HSDL1: variants seen among roughly 807,000 people sequenced by gnomAD.
HSDL1 encodes inactive hydroxysteroid dehydrogenase-like protein 1.
HSDL1 carries 29 observed loss-of-function variants against 31.5 expected under a neutral mutation model. The ratio of observed to expected loss-of-function variants is 0.92; its 90% CI spans 0.69 to 1.26. The LOEUF (loss-of-function observed/expected upper bound fraction) is 1.26, where lower values mean the gene tolerates loss of function less well. HSDL1 is among the 50% of genes most tolerant of loss of function. The pLI, the probability that HSDL1 is intolerant of heterozygous loss-of-function variation, is 0.00. For synonymous variants in HSDL1, 222 were observed against 155.2 expected (o/e 1.43, Z -3.20); for missense variants, 503 against 416.6 (o/e 1.21, Z -1.81).
intron 1 of HSDL1, among the ~76,000 whole-genome samples, chr16:84,137,746 C>G (rs1374812181): frequency 1.3e-5 from 2 of 152,212 alleles, no homozygotes; most frequent in East Asian, 1.9e-4. Context: ...TTTCTCATGA[C>G]AAAAGAAATC....
In HSDL1 at chr16:84,124,464, T is replaced by A. The variant is rs2086582471; in HGVS notation, c.*166A>T. 3 of 566,062 alleles carry A rather than the reference T, an allele frequency of 5.3e-6. No homozygotes were observed. In the East Asian group the frequency reaches 9.3e-5, roughly 18 times the overall value. The allele number at this position is 566,062 out of a possible 1,614,324, so 35.1% of individuals were successfully genotyped here. On this transcript the variant is annotated 3_prime_UTR_variant, in exon 6 of 6. Coordinates refer to ENST00000219439, the MANE Select transcript of HSDL1 (RefSeq NM_031463.5). ...GTGCCATCCACACACCCTTAAGGTT[T>A]TTCACAGCACTCTGACGGTATTATG... is the stretch of plus-strand genomic sequence containing the variant.
In HSDL1 at chr16:84,124,402, T is replaced by C; in HGVS notation, c.*228A>G. ...AGCTTAGGGAAAAAGCACTGAAATG[T>C]AGATGTCGTCAATCAGCCTCAGGCA... On this transcript the variant is annotated 3_prime_UTR_variant, in exon 6 of 6. Transcript: ENST00000219439. 1 of 401,950 alleles carries C rather than the reference T, an allele frequency of 2.5e-6. No individual in the cohort carries two copies. Among genetic ancestry groups the C allele is most frequent in the Admixed American group, 3.9e-5 (1 of 25,968 alleles). The allele number at this position is 401,950 out of a possible 1,614,324, so 24.9% of individuals were successfully genotyped here.
chr16:84,130,216 C>T lies in HSDL1; in HGVS notation c.436G>A (p.Gly146Ser), dbSNP rs1597373992. The T allele has an allele frequency of 6.2e-7, 1 of 1,614,222 alleles. No individual in the cohort carries two copies. The highest frequency in any genetic ancestry group is 8.5e-7 in the Non-Finnish European group (1 of 1,180,044). ...IREALKDKDV[G>S]ILVNNVGVFY... is the part of the protein sequence containing the mutation. ...ACACCCACGTTATTTACCAAGATGC[C>T]AACGTCTTTGTCCTTCAGGGCTTCT... The change falls in exon 4 of 6, where the codon GGC becomes AGC. Residue 146 changes from glycine (G) to serine (S), a missense_variant. Coordinates refer to ENST00000219439, the MANE Select transcript of HSDL1 (RefSeq NM_031463.5).
intron 1 of HSDL1, among the ~76,000 whole-genome samples, chr16:84,143,768 G>C (rs1030860951): frequency 6.6e-6 from 1 of 151,664 alleles, no homozygotes; most frequent in African/African-American, 2.4e-5. Flanking sequence ...AGGCCAAGGC[G>C]GGCAGATCAC....
chr16:84,125,143 C>A (rs193004850), intron 5 of HSDL1: 6,447 of 157,038 alleles, frequency 0.041, 292 homozygotes, highest in Admixed American at 0.074. Context: ...CAACAAATAC[C>A]CACCAAGCAA....
intron 5 of HSDL1, among the ~76,000 whole-genome samples, chr16:84,126,725 C>T (rs1455513539): frequency 3.0e-5 from 4 of 134,944 alleles, no homozygotes. Flanking sequence ...CCAGGGAGGA[C>T]ACACCCACAC....
chr16:84,141,833 T>C, intron 1 of HSDL1, among the ~76,000 whole-genome samples: 1 of 152,248 alleles, frequency 6.6e-6, no homozygotes, highest in Non-Finnish European at 1.5e-5. Flanking sequence ...TCCTTTCCTT[T>C]TTTTTCTCTC....
intron 1 of HSDL1, among the ~76,000 whole-genome samples, chr16:84,136,334 C>T (rs984529835): frequency 1.3e-5 from 2 of 152,254 alleles, no homozygotes; most frequent in African/African-American, 2.4e-5. Context: ...ACCACACACA[C>T]TGCATTGCAA....
intron 1 of HSDL1, among the ~76,000 whole-genome samples, chr16:84,141,090 C>CAAAAAAAAAAAAAAAA (rs553224060): frequency 2.1e-4 from 29 of 136,178 alleles, no homozygotes; most frequent in African/African-American, 9.8e-4. Flanking sequence ...GACTCCGTCT[C>CAAAAAAAAAAAAAAAA]AAACAAAAAA....
chr16:84,144,784 CG>C (rs2086825372), intron 1 of HSDL1, among the ~76,000 whole-genome samples: 1 of 29,968 alleles, frequency 3.3e-5, no homozygotes, highest in Non-Finnish European at 7.2e-5. Context: ...AGCGCCGCGG[CG>C]GGGGGCGTGA....
At chr16:84,134,543 C>T (rs1267907160) in intron 2 of HSDL1, among the ~76,000 whole-genome samples, 2 of 151,766 alleles carry the variant, frequency 1.3e-5, no homozygotes, top group Admixed American at 1.3e-4. Context: ...ATCAAGCAGG[C>T]GGAAGTAACA....
At chr16:84,132,581 T>G (rs1212362772) in intron 2 of HSDL1, among the ~76,000 whole-genome samples, 1 of 152,232 alleles carries the variant, frequency 6.6e-6, no homozygotes, top group African/African-American at 2.4e-5. Flanking sequence ...CTATGTTCTA[T>G]GTACTGTGAT....
rs1364750002 is a variant in HSDL1 at position 84,130,406 on chromosome 16, G to A, written c.246C>T (p.Ala82=). Residue 82 remains alanine, a synonymous_variant, in exon 4 of 6, where the codon GCC becomes GCT. Transcript: ENST00000219439. ...VSGATDGIGK[A]YAEELASRGL... is the part of the protein sequence containing the mutation. ...CTCGGCTTGCTAACTCTTCAGCGTAGGCTTTTCCAATCCCATCTGTTGCAC... is the reference window on the plus strand; with the variant it reads ...CTCGGCTTGCTAACTCTTCAGCGTAAGCTTTTCCAATCCCATCTGTTGCAC... 6.2e-7 allele frequency: 1 copy of A among 1,611,204 alleles called. No individual in the cohort carries two copies. The highest frequency in any genetic ancestry group is 8.5e-7 in the Non-Finnish European group (1 of 1,178,990).
In HSDL1 at chr16:84,129,554, A is replaced by T. The variant is rs1278453889; in HGVS notation, c.888T>A (p.Ser296=). ...SKRTTGYWSH[S]IQFLFAQYMP... is the part of the protein sequence containing the mutation. ...ACCTGAAGCACACTCCTACCTGAAT[A>T]GAATGGGACCAATATCCTGTGGTCC... Residue 296 remains serine (S), a synonymous_variant, in exon 5 of 6, where the codon TCT becomes TCA. Transcript: ENST00000219439. 1 of 1,610,370 alleles carries T rather than the reference A, an allele frequency of 6.2e-7. No homozygotes were observed. Among genetic ancestry groups the T allele is most frequent in the Admixed American group, 1.7e-5 (1 of 60,026 alleles).
chr16:84,130,355 C>T lies in HSDL1; in HGVS notation c.297G>A (p.Arg99=), dbSNP rs778711550. Residue 99 remains arginine (R), a synonymous_variant, in exon 4 of 6, where the codon CGG becomes CGA. Transcript: ENST00000219439. ...CAACAACCTGCAACTTCTCCTCGTT[C>T]CGACTAATCAGGATTATATTGAGAC... The part of the protein sequence containing the change: ...SRGLNIILIS[R]NEEKLQVVAK... The T allele has an allele frequency of 6.2e-6, 10 of 1,614,074 alleles. No individual in the cohort carries two copies. The South Asian group carries it at 9.9e-5, about 16-fold the overall frequency.
At chr16:84,133,456 C>T (rs1206686035) in intron 2 of HSDL1, among the ~76,000 whole-genome samples, 1 of 152,174 alleles carries the variant, frequency 6.6e-6, no homozygotes, top group East Asian at 1.9e-4. Flanking sequence ...AAATGTTTTC[C>T]TCAGCCGGGC....
At chr16:84,127,966 G>A (rs1490923905) in intron 5 of HSDL1, among the ~76,000 whole-genome samples, 4 of 149,290 alleles carry the variant, frequency 2.7e-5, no homozygotes, top group African/African-American at 9.8e-5. Flanking sequence ...TGATCCGCCC[G>A]CCTTGGCCTC....
chr16:84,136,205 G>A (rs2086710912), intron 1 of HSDL1, among the ~76,000 whole-genome samples: 1 of 152,246 alleles, frequency 6.6e-6, no homozygotes, highest in Non-Finnish European at 1.5e-5. Flanking sequence ...TCCTGGCAGG[G>A]TGGCAGGGAG....
At chr16:84,126,313 C>G (rs971207349) in intron 5 of HSDL1, among the ~76,000 whole-genome samples, 4 of 151,936 alleles carry the variant, frequency 2.6e-5, no homozygotes, top group Non-Finnish European at 5.9e-5. Flanking sequence ...GGAAGGGAGT[C>G]CTGCTGATGC....
Sources: gnomAD v4.1 joint callset for allele counts (sites outside exome capture counted in the v4.1 genomes callset) on GRCh38, gnomAD v4.1.1 for gene constraint, MANE v1.5 for transcripts, NCBI Gene and HGNC (gene_info 2026-07-23, HGNC 2026-07-21) for gene names.